Variants in DAB1 observed in about 807,000 individuals in gnomAD.
DAB1 encodes disabled homolog 1.
Under a neutral mutation model 64.6 loss-of-function variants are expected in DAB1, and 15 were observed. The observed-to-expected ratio is 0.23, with a 90% CI of 0.16 to 0.36. The LOEUF is 0.36. Among genes scored for constraint, DAB1 ranks in the 10% least tolerant of loss-of-function variants. The pLI is 1.00. For synonymous variants in DAB1, 235 were observed against 251.9 expected, an observed-to-expected ratio of 0.93 and a Z score of 0.64; for missense variants, 596 against 706.7, an observed-to-expected ratio of 0.84 and a Z score of 1.78.
intron 6 of DAB1, among the ~76,000 whole-genome samples, chr1:57,668,558 AG>A (rs1646474732): frequency 6.6e-6 from 1 of 152,120 alleles, no homozygotes; most frequent in South Asian, 2.1e-4. Flanking sequence ...TAAGTGGGGG[AG>A]TGAGCAGGAA....
rs541479747 is a variant in DAB1, at chr1:57,324,539, A to G, written c.-136-33373T>C. On this transcript the variant is annotated intron_variant, in intron 1 of 14. Transcript: ENST00000371236. Reference sequence around the variant, plus strand: ...GTGGGTCTTGGAGTCCATAAAAAACATTCAATTAGCAGTGCGCATTAGAGA... The same window carrying G: ...GTGGGTCTTGGAGTCCATAAAAAACGTTCAATTAGCAGTGCGCATTAGAGA... 8.5e-5 allele frequency among the ~76,000 whole-genome samples: 13 copies of G among 152,350 alleles called. No individual in the cohort carries two copies. In the South Asian group the frequency reaches 2.3e-3, roughly 27 times the overall value.
At chr1:58,322,314 T>C (rs1201749485) in intron 4 of DAB1, among the ~76,000 whole-genome samples, 1 of 152,040 alleles carries the variant, frequency 6.6e-6, no homozygotes, top group Non-Finnish European at 1.5e-5. Context: ...AGCTACAGAA[T>C]GGGAGAAAAT....
chr1:57,376,394 C>T (rs1264677868), intron 1 of DAB1, among the ~76,000 whole-genome samples: 5 of 152,180 alleles, frequency 3.3e-5, no homozygotes, highest in Admixed American at 3.3e-4. Context: ...TTCCTACAAT[C>T]CTCATGTAAG....
chr1:58,521,900 A>T (rs562518706), intron 2 of DAB1, among the ~76,000 whole-genome samples: 1 of 152,172 alleles, frequency 6.6e-6, no homozygotes, highest in Non-Finnish European at 1.5e-5. Context: ...CACTTCCCTG[A>T]TCAATTTTAT....
intron 5 of DAB1, among the ~76,000 whole-genome samples, chr1:57,969,999 A>G (rs1645759195): frequency 6.6e-6 from 1 of 152,104 alleles, no homozygotes; most frequent in Non-Finnish European, 1.5e-5. Flanking sequence ...CACGCCCTTA[A>G]TGGGAATCTA....
intron 7 of DAB1, among the ~76,000 whole-genome samples, chr1:57,626,507 C>T (rs373542429): frequency 6.6e-5 from 10 of 152,114 alleles, no homozygotes; most frequent in Non-Finnish European, 1.2e-4. Context: ...TGGCAGCTAG[C>T]GAAACTGGAC....
chr1:57,556,138 A>G (rs1644985408), intron 7 of DAB1, among the ~76,000 whole-genome samples: 1 of 152,236 alleles, frequency 6.6e-6, no homozygotes, highest in South Asian at 2.1e-4. Context: ...GTAGCATTCT[A>G]TGGTATATAC....
intron 5 of DAB1, among the ~76,000 whole-genome samples, chr1:57,981,824 T>C (rs1325442): frequency 0.019 from 2,928 of 152,332 alleles, 50 homozygotes; most frequent in East Asian, 0.039. Flanking sequence ...CTATTGCAGA[T>C]GCCCAAGCTA....
chr1:58,253,900 G>A (rs1660863161), intron 4 of DAB1, among the ~76,000 whole-genome samples: 1 of 152,180 alleles, frequency 6.6e-6, no homozygotes, highest in African/African-American at 2.4e-5. Context: ...GGACAGGCAG[G>A]AATAGTCATC....
intron 2 of DAB1, among the ~76,000 whole-genome samples, chr1:57,223,167 G>T (rs1329812318): frequency 6.6e-6 from 1 of 152,114 alleles, no homozygotes; most frequent in Non-Finnish European, 1.5e-5. Context: ...AGAAACCAAA[G>T]GCAAGTGCTA....
intron 7 of DAB1, among the ~76,000 whole-genome samples, chr1:57,625,457 G>A (rs1215356655): frequency 6.6e-6 from 1 of 152,128 alleles, no homozygotes; most frequent in African/African-American, 2.4e-5. Flanking sequence ...GCCCTTGTAG[G>A]CCTCAGGGTT....
chr1:58,110,886 C>A (rs1651930468), intron 5 of DAB1, among the ~76,000 whole-genome samples: 1 of 152,124 alleles, frequency 6.6e-6, no homozygotes, highest in Non-Finnish European at 1.5e-5. Flanking sequence ...TTCAATAGTA[C>A]CTCAACTCCT....
At position 56,997,172 on chromosome 1, in the gene DAB1, C is replaced by T. The variant is rs1266577611; in HGVS notation, c.*972G>A. The T allele has an allele frequency of 6.6e-6, 1 of 152,024 alleles. No individual in the cohort carries two copies. Among genetic ancestry groups the T allele is most frequent in the Admixed American group, 6.6e-5 (1 of 15,264 alleles). The allele number at this position is 152,024 out of a possible 1,614,324, so 9.4% of individuals were successfully genotyped here. ...AAATGACTTTTCTTTGAAAATGGCA[C>T]GTGGAGAAGACACTTGTCTGCATAG... On this transcript the variant is annotated 3_prime_UTR_variant, in exon 15 of 15. Coordinates refer to ENST00000371236, the MANE Select transcript of DAB1 (RefSeq NM_001365792.1).
intron 5 of DAB1, among the ~76,000 whole-genome samples, chr1:57,956,268 G>A (rs989084796): frequency 6.6e-6 from 1 of 152,074 alleles, no homozygotes; most frequent in Non-Finnish European, 1.5e-5. Flanking sequence ...GGAATCCTAG[G>A]GGATGAAGCA....
chr1:58,164,099 ACAT>A (rs1262483009), intron 4 of DAB1, among the ~76,000 whole-genome samples: 1 of 151,832 alleles, frequency 6.6e-6, no homozygotes, highest in Non-Finnish European at 1.5e-5. Flanking sequence ...CTAAGTGGAG[ACAT>A]CATCAGCCAT....
At chr1:57,343,942 T>C (rs1244654700) in intron 1 of DAB1, among the ~76,000 whole-genome samples, 3 of 152,256 alleles carry the variant, frequency 2.0e-5, no homozygotes, top group African/African-American at 7.2e-5. Context: ...GCAAGGGCTG[T>C]GAGGGCTGCC....
chr1:57,517,576 C>T (rs1644477668), intron 7 of DAB1, among the ~76,000 whole-genome samples: 1 of 152,178 alleles, frequency 6.6e-6, no homozygotes, highest in African/African-American at 2.4e-5. Flanking sequence ...GTTTTAGACC[C>T]TACTGTTTCC....
At chr1:57,555,062 G>C (rs1359134434) in intron 7 of DAB1, among the ~76,000 whole-genome samples, 1 of 108,226 alleles carries the variant, frequency 9.2e-6, no homozygotes, top group Non-Finnish European at 1.7e-5. Context: ...TTGAGACGGA[G>C]TCTCACTCTG....
intron 1 of DAB1, among the ~76,000 whole-genome samples, chr1:57,875,682 T>C (rs1303896311): frequency 1.3e-5 from 2 of 152,160 alleles, no homozygotes; most frequent in African/African-American, 4.8e-5. Flanking sequence ...TAAATAATTA[T>C]TAAAGGATGA....
Sources: allele counts gnomAD v4.1 joint callset (sites outside exome capture counted in the v4.1 genomes callset), GRCh38; gene constraint gnomAD v4.1.1; transcripts MANE v1.5; gene names NCBI Gene and HGNC (gene_info 2026-07-23, HGNC 2026-07-21).